Variants in CD300LG observed in about 807,000 individuals in gnomAD.
CD300LG encodes the protein CD300 molecule like family member g.
In CD300LG, 29 loss-of-function variants were observed where a neutral mutation model predicts 31.5. The observed-to-expected ratio is 0.92, with a 90% CI of 0.68 to 1.25. CD300LG has a LOEUF of 1.25. Ranked by LOEUF, CD300LG falls within the 50% of genes most tolerant of loss-of-function variation. The probability of loss-of-function intolerance (pLI) is 0.00; values close to 1 mark genes in which losing one functional copy is unlikely to be tolerated. For missense variants in CD300LG, 396 were observed against 417.6 expected (o/e 0.95, Z 0.45); for synonymous variants, 175 against 177.2 (o/e 0.99, Z 0.10).
intron 6 of CD300LG, chr17:43,858,179 C>A: frequency 8.4e-7 from 1 of 1,184,676 alleles, no homozygotes; most frequent in Non-Finnish European, 1.1e-6. Flanking sequence ...CAAGGAGGGT[C>A]TGGGGTGGAA....
In CD300LG at chr17:43,848,551, A is replaced by G; in HGVS notation, c.44-7A>G. The G allele has an allele frequency of 6.2e-7, 1 of 1,610,642 alleles. No individual in the cohort carries two copies. The highest frequency in any genetic ancestry group is 2.2e-5 in the East Asian group (1 of 44,812). On this transcript the variant is annotated splice_region_variant and splice_polypyrimidine_tract_variant and intron_variant, in intron 1 of 6. Transcript: ENST00000317310. Reference sequence around the variant, plus strand: ...TTTTCCAACCTCCACTCCTGCTCTGATTTTAGGTTATGAAGCCCTGGAGGG... The same window carrying G: ...TTTTCCAACCTCCACTCCTGCTCTGGTTTTAGGTTATGAAGCCCTGGAGGG...
At chr17:43,857,465 A>G (rs2046557209) in intron 6 of CD300LG, 1 of 1,536,678 alleles carries the variant, frequency 6.5e-7, no homozygotes. Flanking sequence ...CCCTTTTAGA[A>G]TCACAGAACA....
At chr17:43,857,249 G>A in intron 6 of CD300LG, 93 bp downstream of exon 6, 1 of 1,511,166 alleles carries the variant, frequency 6.6e-7, no homozygotes, top group South Asian at 1.2e-5. Context: ...TTCCTACCTG[G>A]TCCTCCTTGC....
intron 3 of CD300LG, among the ~76,000 whole-genome samples, chr17:43,853,244 C>T (rs1469567154): frequency 6.6e-6 from 1 of 152,120 alleles, no homozygotes; most frequent in Non-Finnish European, 1.5e-5. Flanking sequence ...GACCCCAAAG[C>T]TCATATTCTG....
chr17:43,847,866 G>T (rs1887975042), intron 1 of CD300LG, among the ~76,000 whole-genome samples: 1 of 152,222 alleles, frequency 6.6e-6, no homozygotes, highest in Middle Eastern at 3.4e-3. Flanking sequence ...TGGGAGGATC[G>T]CTTGAGCCCC....
intron 2 of CD300LG, chr17:43,849,474 G>C (rs2046287300): frequency 6.4e-6 from 1 of 155,612 alleles, no homozygotes; most frequent in Non-Finnish European, 1.4e-5. Context: ...GTTAAATGCA[G>C]GGACACTAGG....
chr17:43,852,807 C>A, intron 2 of CD300LG, 105 bp from the exon 3 acceptor site: 1 of 819,884 alleles, frequency 1.2e-6, no homozygotes, highest in Non-Finnish European at 1.9e-6. Context: ...GATGGCAGTG[C>A]TCTGTGCTGA....
At chr17:43,861,138 T>C (rs2143419533) in intron 6 of CD300LG, 1 of 985,374 alleles carries the variant, frequency 1.0e-6, no homozygotes, top group East Asian at 1.1e-4. Flanking sequence ...TTACAGCCAC[T>C]GGGGAATGGC....
chr17:43,858,252 A>G, intron 6 of CD300LG: 1 of 1,066,794 alleles, frequency 9.4e-7, no homozygotes, highest in Non-Finnish European at 1.1e-6. Context: ...CAACAGGGCC[A>G]AAGGTAGCAG....
Position 43,856,026 on chromosome 17 carries a change from T to C in CD300LG, c.832+707T>C, listed in dbSNP as rs189719907. On this transcript the variant is annotated intron_variant, in intron 5 of 6. Transcript: ENST00000317310. ...GTGTGATCATGGCTCACTGCAGCCT[T>C]GAACTCCATGGCTCAAGCGATCCTC... is the stretch of plus-strand genomic sequence containing the variant. 6.2e-4 allele frequency among the ~76,000 whole-genome samples: 95 copies of C among 152,292 alleles called. 1 individual carries two copies. The highest frequency in any genetic ancestry group is 2.2e-3 in the African/African-American group (92 of 41,544).
At chr17:43,855,072 C>A in intron 4 of CD300LG, 135 bp from the exon 5 acceptor site, 1 of 168,406 alleles carries the variant, frequency 5.9e-6, no homozygotes, top group East Asian at 2.1e-4. Context: ...CCACCACCCC[C>A]CACAAGTCTC....
chr17:43,853,292 G>C (rs1335489637), intron 3 of CD300LG, among the ~76,000 whole-genome samples: 1 of 152,104 alleles, frequency 6.6e-6, no homozygotes, highest in Non-Finnish European at 1.5e-5. Flanking sequence ...AGCCAGAAAG[G>C]CCAGGCCTTG....
intron 6 of CD300LG, chr17:43,858,226 G>A: frequency 3.7e-6 from 4 of 1,091,388 alleles, no homozygotes; most frequent in Non-Finnish European, 4.5e-6. Context: ...AGCAGCTGTT[G>A]TTGTCTCAGG....
rs370039972 is a variant in CD300LG at position 43,861,803 on chromosome 17, G to A, written c.891G>A (p.Ala297=). Residue 297 remains alanine, a synonymous_variant, in exon 7 of 7, where the codon GCG becomes GCA. Transcript: ENST00000317310. The part of the protein sequence containing the change: ...NEKFCLSRLT[A]EEKEAPSQAP... ...CCCCACTGTTGTCTTTACAGACTGC[G>A]GAGGAAAAGGAAGCCCCTTCCCAGG... is the stretch of plus-strand genomic sequence containing the variant. 6.4e-5 allele frequency: 102 copies of A among 1,603,320 alleles called. No homozygotes were observed. The highest frequency in any genetic ancestry group is 3.2e-4 in the East Asian group (14 of 44,372).
Position 43,853,018 on chromosome 17 carries a change from G to C in CD300LG, c.481+5G>C. 5.6e-6 allele frequency: 9 copies of C among 1,606,700 alleles called. No homozygotes were observed. The highest frequency in any genetic ancestry group is 1.3e-5 in the African/African-American group (1 of 74,820). ...AAACCCAGCCCCCAGGATTGAGTGA[G>C]TGAATGGCAATTCCGCCCCTTCCCT... is the stretch of plus-strand genomic sequence containing the variant. On this transcript the variant is annotated splice_donor_5th_base_variant and intron_variant, in intron 3 of 6. Coordinates refer to ENST00000317310, the MANE Select transcript of CD300LG (RefSeq NM_145273.4).
chr17:43,858,202 G>A, intron 6 of CD300LG: 2 of 1,131,846 alleles, frequency 1.8e-6, no homozygotes, highest in Non-Finnish European at 2.2e-6. Flanking sequence ...GGGACTTTGG[G>A]CTGTGGCTTA....
In CD300LG at chr17:43,850,685, C is replaced by A. The variant is rs1237267075; in HGVS notation, c.379+1792C>A. 2.6e-5 allele frequency among the ~76,000 whole-genome samples: 4 copies of A among 151,990 alleles called. No individual in the cohort carries two copies. In the East Asian group the frequency reaches 7.7e-4, roughly 29 times the overall value. ...TTAAGATGTGGTTTCGCCATATTGG[C>A]CTGTCTGGTCTCAAACTTCTGGACT... is the stretch of plus-strand genomic sequence containing the variant. On this transcript the variant is annotated intron_variant, in intron 2 of 6. Coordinates refer to ENST00000317310, the MANE Select transcript of CD300LG (RefSeq NM_145273.4).
chr17:43,853,999 C>T lies in CD300LG; in HGVS notation c.674C>T (p.Ala225Val). Residue 225 changes from alanine to valine, a missense_variant, in exon 4 of 7, where the codon GCA becomes GTA. Physicochemically the swap from Ala to Val is moderately conservative, Grantham distance 64. Coordinates refer to ENST00000317310, the MANE Select transcript of CD300LG (RefSeq NM_145273.4). ...CCCATGCAGCTGGACTCCACCTCAG[C>T]AGAGGACACCAGTCCAGCTCTCAGC... ...RPPMQLDSTS[A>V]EDTSPALSSG... 2 of 1,614,232 alleles carry T rather than the reference C, an allele frequency of 1.2e-6. No homozygotes were observed. Among genetic ancestry groups the T allele is most frequent in the African/African-American group, 1.3e-5 (1 of 75,072 alleles).
chr17:43,861,354 A>G (rs1353444036), intron 6 of CD300LG: 1 of 900,696 alleles, frequency 1.1e-6, no homozygotes, highest in African/African-American at 1.8e-5. Context: ...TTTCCTCAGC[A>G]TCTGCTCCCC....
Sources: allele counts gnomAD v4.1 joint callset (sites outside exome capture counted in the v4.1 genomes callset), GRCh38; gene constraint gnomAD v4.1.1; transcripts MANE v1.5; gene names NCBI Gene and HGNC (gene_info 2026-07-23, HGNC 2026-07-21).